ANKRD55: variants seen among roughly 807,000 people sequenced by gnomAD.
The protein encoded by ANKRD55 is ankyrin repeat domain-containing protein 55.
A neutral mutation model predicts 60.6 loss-of-function variants in ANKRD55; 41 were observed. The observed-to-expected ratio is 0.68, with a 90% CI of 0.53 to 0.88. The LOEUF (loss-of-function observed/expected upper bound fraction) is 0.88, where lower values mean the gene tolerates loss of function less well. Ranked by LOEUF, ANKRD55 falls within the 40% of genes least tolerant of loss-of-function variation. ANKRD55 has a pLI of 0.00. For synonymous variants in ANKRD55, 264 were observed against 290.3 expected (o/e 0.91, Z 0.92); for missense variants, 732 against 767.6 (o/e 0.95, Z 0.55).
chr5:56,228,150 T>G (rs1290430070), intron 2 of ANKRD55, among the ~76,000 whole-genome samples: 3 of 151,862 alleles, frequency 2.0e-5, no homozygotes, highest in Non-Finnish European at 2.9e-5. Flanking sequence ...GGCAAGAGAG[T>G]GACTATGACC....
intron 7 of ANKRD55, among the ~76,000 whole-genome samples, chr5:56,137,752 A>G (rs1361099585): frequency 1.3e-5 from 2 of 152,186 alleles, no homozygotes; most frequent in Non-Finnish European, 2.9e-5. Flanking sequence ...GCCCCAACCT[A>G]GAAGAAAATA....
intron 2 of ANKRD55, among the ~76,000 whole-genome samples, chr5:56,219,273 CAAAAAAAA>C (rs35909700): frequency 8.2e-5 from 8 of 97,040 alleles, no homozygotes; most frequent in African/African-American, 2.1e-4. Context: ...ACTCTGCCTC[CAAAAAAAA>C]AAAAAAAAAA....
At chr5:56,176,058 T>C (rs1304697374) in intron 4 of ANKRD55, 94 bp downstream of exon 4, 3 of 1,496,278 alleles carry the variant, frequency 2.0e-6, no homozygotes, top group Admixed American at 1.8e-5. Context: ...GCCAGCTGCA[T>C]AGATCCAAGA....
chr5:56,166,601 G>C (rs962136361), intron 5 of ANKRD55, among the ~76,000 whole-genome samples: 1 of 151,776 alleles, frequency 6.6e-6, no homozygotes, highest in African/African-American at 2.4e-5. Context: ...CAAATATGGT[G>C]AAATAAGATA....
rs924899863 is a variant in ANKRD55 at position 56,163,198 on chromosome 5, T to C, written c.423-3305A>G. 5.3e-5 allele frequency among the ~76,000 whole-genome samples: 8 copies of C among 152,168 alleles called. No individual in the cohort carries two copies. The South Asian group carries it at 1.2e-3, about 24-fold the overall frequency. ...TCACTCTGGCTCTGGCTGTCTCTCA[T>C]ATGTTGTGAGAACAAAGAACCTGAG... On this transcript the variant is annotated intron_variant, in intron 5 of 11. Transcript: ENST00000341048.
intron 2 of ANKRD55, among the ~76,000 whole-genome samples, chr5:56,218,436 C>T: frequency 6.6e-6 from 1 of 152,190 alleles, no homozygotes. Context: ...AGCCACCACC[C>T]AGATCAGTCG....
chr5:56,158,381 A>G (rs1437028487), intron 6 of ANKRD55, among the ~76,000 whole-genome samples: 1 of 152,210 alleles, frequency 6.6e-6, no homozygotes, highest in Non-Finnish European at 1.5e-5. Flanking sequence ...TTAAAATTCC[A>G]TTGAAAACCA....
chr5:56,219,288 A>AAAAAAG (rs1561297143), intron 2 of ANKRD55, among the ~76,000 whole-genome samples: 4 of 150,406 alleles, frequency 2.7e-5, no homozygotes, highest in African/African-American at 9.9e-5. Flanking sequence ...AAAAAAAAAA[A>AAAAAAG]AAAAGAAAAA....
At chr5:56,113,367 C>T (rs1232944818) in intron 9 of ANKRD55, among the ~76,000 whole-genome samples, 1 of 152,070 alleles carries the variant, frequency 6.6e-6, no homozygotes, top group Non-Finnish European at 1.5e-5. Flanking sequence ...AAAAAAAGTC[C>T]TTTAACTTAA....
chr5:56,122,919 C>CAGG (rs1757116448), intron 8 of ANKRD55, among the ~76,000 whole-genome samples: 1 of 151,666 alleles, frequency 6.6e-6, no homozygotes, highest in Admixed American at 6.6e-5. Flanking sequence ...GCATGTACCA[C>CAGG]TATGTCCGGC....
chr5:56,144,073 C>G, intron 6 of ANKRD55, 144 bp from the exon 7 acceptor site: 1 of 1,078,384 alleles, frequency 9.3e-7, no homozygotes, highest in Non-Finnish European at 1.4e-6. Context: ...TTCATTAATC[C>G]ATTCATTCCA....
chr5:56,166,110 CTT>C (rs1273292504), intron 5 of ANKRD55, among the ~76,000 whole-genome samples: 3 of 67,808 alleles, frequency 4.4e-5, no homozygotes, highest in Admixed American at 1.6e-4. Flanking sequence ...TTCTTTCTTT[CTT>C]TCTTTCTTTC....
At chr5:56,220,834 CA>C (rs767941512) in intron 2 of ANKRD55, among the ~76,000 whole-genome samples, 27 of 151,864 alleles carry the variant, frequency 1.8e-4, no homozygotes, top group Non-Finnish European at 3.5e-4. Context: ...CAAAACAAAA[CA>C]AAAAAACACT....
At chr5:56,206,266 C>T (rs184738871) in intron 2 of ANKRD55, among the ~76,000 whole-genome samples, 157 of 152,220 alleles carry the variant, frequency 1.0e-3, no homozygotes, top group Admixed American at 2.2e-3. Flanking sequence ...CATGAGCCAC[C>T]GCTTCTGGCC....
intron 9 of ANKRD55, among the ~76,000 whole-genome samples, chr5:56,112,283 G>A (rs1379558678): frequency 6.6e-6 from 1 of 151,886 alleles, no homozygotes; most frequent in Non-Finnish European, 1.5e-5. Context: ...AGAAAACCTG[G>A]ACCGAGTGCT....
chr5:56,181,005 A>C (rs1399215585), intron 3 of ANKRD55, among the ~76,000 whole-genome samples: 1 of 152,118 alleles, frequency 6.6e-6, no homozygotes, highest in Admixed American at 6.6e-5. Flanking sequence ...GTTTGAGAAG[A>C]GCCTGGGCAA....
rs377236610 is a variant in ANKRD55 at position 56,159,473 on chromosome 5, A to G, written c.483+360T>C. ...CGAAACTCCATCTTAAAAAAAAAAA[A>G]AGAGAGCACGTCTTGAGCCACCGCT... On this transcript the variant is annotated intron_variant, in intron 6 of 11. Transcript: ENST00000341048. Among the ~76,000 whole-genome samples, 684 of 152,026 alleles carry G rather than the reference A, an allele frequency of 4.5e-3. 4 individuals carry two copies. Among genetic ancestry groups the G allele is most frequent in the African/African-American group, 0.016 (663 of 41,472 alleles).
chr5:56,173,541 CCTCTCTCTCTCTCTCT>C lies in ANKRD55; in HGVS notation c.312+2595_312+2610del, dbSNP rs71578616. Among the ~76,000 whole-genome samples, 268 of 61,524 alleles carry C rather than the reference CCTCTCTCTCTCTCTCT, an allele frequency of 4.4e-3. 2 individuals are homozygous for C. The highest frequency in any genetic ancestry group is 6.9e-3 in the African/African-American group (115 of 16,588). 40.4% of individuals were successfully genotyped at this position (61,524 alleles called of 152,430 possible). A position where few individuals can be genotyped will look rare whatever the true frequency, so the allele number is the denominator to read the frequency against. On this transcript the variant is annotated intron_variant, in intron 4 of 11. Transcript: ENST00000341048. ...ATAATACGTTAAATGTAGAGATTCG[CCTCTCTCTCTCTCTCT>C]CTCTCTCTCTCTCTCTCTCTCTCTC...
intron 2 of ANKRD55, among the ~76,000 whole-genome samples, chr5:56,202,915 T>C (rs1301974602): frequency 6.6e-6 from 1 of 152,206 alleles, no homozygotes; most frequent in South Asian, 2.1e-4. Context: ...GTTTCTGTGT[T>C]GAAATTCAGT....
Sources: gnomAD v4.1 joint callset for allele counts (sites outside exome capture counted in the v4.1 genomes callset) on GRCh38, gnomAD v4.1.1 for gene constraint, MANE v1.5 for transcripts, NCBI Gene and HGNC (gene_info 2026-07-23, HGNC 2026-07-21) for gene names.